Variants in SORCS3 observed in about 807,000 individuals in gnomAD.
The protein encoded by SORCS3 is VPS10 domain-containing receptor SorCS3.
A neutral mutation model predicts 146.3 loss-of-function variants in SORCS3; 57 were observed. The ratio of observed to expected loss-of-function variants is 0.39; its 90% CI spans 0.31 to 0.49. The LOEUF is 0.49. SORCS3 is among the 20% of genes least tolerant of loss of function. The pLI, the probability that SORCS3 is intolerant of heterozygous loss-of-function variation, is 0.92. For synonymous variants in SORCS3, 653 were observed against 618.5 expected, an observed-to-expected ratio of 1.06 and a Z score of -0.83; for missense variants, 1,341 against 1,575.5, an observed-to-expected ratio of 0.85 and a Z score of 2.52.
chr10:104,695,635 A>T (rs1006150337), intron 1 of SORCS3, among the ~76,000 whole-genome samples: 1 of 151,902 alleles, frequency 6.6e-6, no homozygotes, highest in East Asian at 1.9e-4. Flanking sequence ...TACATGTGTG[A>T]TCATATGCAT....
intron 1 of SORCS3, among the ~76,000 whole-genome samples, chr10:104,841,799 A>G (rs968118658): frequency 6.6e-6 from 1 of 152,198 alleles, no homozygotes; most frequent in Non-Finnish European, 1.5e-5. Flanking sequence ...AATGGGAAGG[A>G]GCTGAAAAAA....
intron 1 of SORCS3, among the ~76,000 whole-genome samples, chr10:104,825,214 A>G (rs2017921560): frequency 6.6e-6 from 1 of 152,170 alleles, no homozygotes; most frequent in East Asian, 1.9e-4. Flanking sequence ...AAAAGGAAGG[A>G]ACCTAATGCA....
chr10:104,716,910 A>G (rs1358935371), intron 1 of SORCS3, among the ~76,000 whole-genome samples: 1 of 152,236 alleles, frequency 6.6e-6, no homozygotes, highest in Non-Finnish European at 1.5e-5. Flanking sequence ...GAGAGAAAGC[A>G]CTTGAAGAGC....
At chr10:104,715,721 T>C (rs2016468395) in intron 1 of SORCS3, among the ~76,000 whole-genome samples, 2 of 152,164 alleles carry the variant, frequency 1.3e-5, no homozygotes, top group South Asian at 4.1e-4. Flanking sequence ...AGTAGAAAAC[T>C]ATAAAGCAGA....
intron 4 of SORCS3, among the ~76,000 whole-genome samples, chr10:105,019,396 C>T (rs1234853758): frequency 1.3e-5 from 2 of 152,156 alleles, no homozygotes; most frequent in Non-Finnish European, 2.9e-5. Flanking sequence ...TAGATCCCAC[C>T]TAGCATTTCT....
At chr10:105,172,146 G>C (rs17118700) in intron 13 of SORCS3, among the ~76,000 whole-genome samples, 1 of 152,126 alleles carries the variant, frequency 6.6e-6, no homozygotes, top group African/African-American at 2.4e-5. Flanking sequence ...CTGCTACAGA[G>C]TTACGTATGA....
chr10:104,989,116 C>T (rs917020608), intron 4 of SORCS3, among the ~76,000 whole-genome samples: 6 of 152,158 alleles, frequency 3.9e-5, no homozygotes, highest in South Asian at 2.1e-4. Context: ...TGTATTGCTG[C>T]GTGTTTCATT....
intron 7 of SORCS3, among the ~76,000 whole-genome samples, chr10:105,124,559 T>C (rs923031508): frequency 1.3e-5 from 2 of 152,214 alleles, no homozygotes; most frequent in Admixed American, 1.3e-4. Context: ...TGCTATTAGA[T>C]TTGGAACTGC....
At chr10:105,033,335 G>A (rs2055283092) in intron 4 of SORCS3, among the ~76,000 whole-genome samples, 1 of 152,166 alleles carries the variant, frequency 6.6e-6, no homozygotes. Context: ...AGTGAAGTCA[G>A]GACCTCTGGG....
chr10:105,176,388 A>AT (rs34800737), intron 13 of SORCS3, among the ~76,000 whole-genome samples: 13,693 of 150,370 alleles, frequency 0.091, 746 homozygotes, highest in Admixed American at 0.16. Flanking sequence ...TACAAAAATA[A>AT]TTAAAAAAAA....
intron 7 of SORCS3, among the ~76,000 whole-genome samples, chr10:105,124,402 C>T (rs7069559): frequency 0.025 from 3,746 of 152,254 alleles, 155 homozygotes; most frequent in African/African-American, 0.085. Context: ...GCAGGGCATA[C>T]GGCCTGCACC....
At position 105,106,855 on chromosome 10, in the gene SORCS3, G is replaced by T. The variant is rs703456; in HGVS notation, c.1212+1340G>T. On this transcript the variant is annotated intron_variant, in intron 7 of 26. Transcript: ENST00000369701. ...CAACGGCACTCTCATTCTCTTATTC[G>T]TAAGTGTTTGTTTATTGAACACATA... Among the ~76,000 whole-genome samples the T allele has an allele frequency of 2.6e-5, 4 of 152,028 alleles. No homozygotes were observed. In the East Asian group the frequency reaches 7.8e-4, roughly 29 times the overall value.
At chr10:104,940,086 G>A (rs1349513421) in intron 3 of SORCS3, among the ~76,000 whole-genome samples, 1 of 151,030 alleles carries the variant, frequency 6.6e-6, no homozygotes, top group Non-Finnish European at 1.5e-5. Context: ...AGGGCTGCTG[G>A]TTGGCTATTT....
chr10:105,002,760 G>C (rs565137581), intron 4 of SORCS3, among the ~76,000 whole-genome samples: 1 of 152,326 alleles, frequency 6.6e-6, no homozygotes, highest in Admixed American at 6.5e-5. Flanking sequence ...AGAAGGCCTG[G>C]ATTGGAACCT....
intron 1 of SORCS3, among the ~76,000 whole-genome samples, chr10:104,721,697 C>T (rs533156056): frequency 6.6e-6 from 1 of 152,138 alleles, no homozygotes; most frequent in South Asian, 2.1e-4. Context: ...CTTCACGTCC[C>T]TTATAAGTTG....
At chr10:104,649,392 A>G (rs1287648816) in intron 1 of SORCS3, among the ~76,000 whole-genome samples, 1 of 152,246 alleles carries the variant, frequency 6.6e-6, no homozygotes, top group Non-Finnish European at 1.5e-5. Flanking sequence ...TGTACAGGGC[A>G]GAGTGCTTAA....
intron 4 of SORCS3, among the ~76,000 whole-genome samples, chr10:104,991,450 C>A (rs1004892121): frequency 3.3e-5 from 5 of 151,812 alleles, no homozygotes; most frequent in African/African-American, 1.2e-4. Context: ...GTTTGTCTTT[C>A]CTCTACGTGA....
At chr10:105,175,512 C>A (rs2056394581) in intron 13 of SORCS3, among the ~76,000 whole-genome samples, 1 of 152,148 alleles carries the variant, frequency 6.6e-6, no homozygotes, top group Non-Finnish European at 1.5e-5. Flanking sequence ...ACCTTCCGGA[C>A]TTATTGGCCA....
chr10:104,869,534 C>G (rs1237738813), intron 2 of SORCS3, among the ~76,000 whole-genome samples: 1 of 152,182 alleles, frequency 6.6e-6, no homozygotes, highest in Non-Finnish European at 1.5e-5. Context: ...TAATGTTTAA[C>G]CAGATATCTG....
Sources: gnomAD v4.1 joint callset for allele counts (sites outside exome capture counted in the v4.1 genomes callset) on GRCh38, gnomAD v4.1.1 for gene constraint, MANE v1.5 for transcripts, NCBI Gene and HGNC (gene_info 2026-07-23, HGNC 2026-07-21) for gene names.